DCBLD2: variants seen among roughly 807,000 people sequenced by gnomAD.
DCBLD2 encodes the protein discoidin, CUB and LCCL domain containing 2, also known as discoidin, CUB and LCCL domain-containing protein 2.
In DCBLD2, 54 loss-of-function variants were observed where a neutral mutation model predicts 86.8. That is an observed-to-expected ratio of 0.62 (90% confidence interval 0.50 to 0.78). The LOEUF (loss-of-function observed/expected upper bound fraction) is 0.78, where lower values mean the gene tolerates loss of function less well. Among genes scored for constraint, DCBLD2 ranks in the 30% least tolerant of loss-of-function variants. DCBLD2 has a pLI of 0.00. For synonymous variants in DCBLD2, 354 were observed against 341.3 expected (o/e 1.04, Z -0.41); for missense variants, 908 against 954.2 (o/e 0.95, Z 0.64).
chr3:98,839,694 C>A (rs1029293267), intron 3 of DCBLD2, among the ~76,000 whole-genome samples: 1 of 152,050 alleles, frequency 6.6e-6, no homozygotes, highest in African/African-American at 2.4e-5. Context: ...AAACAAAGAA[C>A]AACCAGATAA....
At chr3:98,825,145 C>G (rs1942192562) in intron 4 of DCBLD2, among the ~76,000 whole-genome samples, 170 bp downstream of exon 4, 1 of 151,998 alleles carries the variant, frequency 6.6e-6, no homozygotes, top group African/African-American at 2.4e-5. Context: ...AAACATGCAA[C>G]TAAATGGCTT....
intron 9 of DCBLD2, among the ~76,000 whole-genome samples, chr3:98,817,130 A>G (rs1942036721): frequency 6.6e-6 from 1 of 152,180 alleles, no homozygotes; most frequent in Admixed American, 6.5e-5. Context: ...CTCCATTTAA[A>G]GATCAAAGGG....
intron 3 of DCBLD2, among the ~76,000 whole-genome samples, chr3:98,832,885 G>T (rs1300617469): frequency 6.6e-6 from 1 of 152,120 alleles, no homozygotes; most frequent in Non-Finnish European, 1.5e-5. Flanking sequence ...TTTAGACATT[G>T]GAAAATCTGA....
At chr3:98,807,360 T>C (rs1045082368) in intron 13 of DCBLD2, among the ~76,000 whole-genome samples, 3 of 152,164 alleles carry the variant, frequency 2.0e-5, no homozygotes, top group Non-Finnish European at 2.9e-5. Flanking sequence ...GATTAGGTCA[T>C]GAAGGCAGAG....
chr3:98,834,791 C>G (rs1162973620), intron 3 of DCBLD2, among the ~76,000 whole-genome samples: 1 of 152,244 alleles, frequency 6.6e-6, no homozygotes, highest in African/African-American at 2.4e-5. Context: ...TATATTGAAA[C>G]TTATAGATGT....
chr3:98,897,452 A>C (rs900117909), intron 1 of DCBLD2, among the ~76,000 whole-genome samples: 8 of 152,204 alleles, frequency 5.3e-5, no homozygotes, highest in African/African-American at 1.7e-4. Context: ...CAGACAAAGA[A>C]AAGACAATGG....
At position 98,808,176 on chromosome 3, in the gene DCBLD2, TG is replaced by T. The variant is rs1477600791; in HGVS notation, c.1577-3del. Reference sequence around the variant, plus strand: ...CAAGAACTGCAGCCAGCGCTACATCTGAAGTTACAAAGACAAAAACAGACAA... The same window carrying T: ...CAAGAACTGCAGCCAGCGCTACATCTAAGTTACAAAGACAAAAACAGACAA... On this transcript the variant is annotated splice_polypyrimidine_tract_variant and splice_region_variant and intron_variant, in intron 12 of 15. Coordinates refer to ENST00000326840, the MANE Select transcript of DCBLD2 (RefSeq NM_080927.4). The T allele has an allele frequency of 1.3e-6, 2 of 1,592,668 alleles. No individual in the cohort carries two copies. Among genetic ancestry groups the T allele is most frequent in the Non-Finnish European group, 1.7e-6 (2 of 1,170,684 alleles).
chr3:98,853,819 C>T (rs908152862), intron 2 of DCBLD2, among the ~76,000 whole-genome samples: 7 of 152,154 alleles, frequency 4.6e-5, no homozygotes, highest in Middle Eastern at 6.3e-3. Flanking sequence ...AGGTGTGCCA[C>T]GGAACAATGC....
At chr3:98,896,787 T>C (rs1943757905) in intron 1 of DCBLD2, among the ~76,000 whole-genome samples, 1 of 152,168 alleles carries the variant, frequency 6.6e-6, no homozygotes, top group Admixed American at 6.5e-5. Flanking sequence ...AATTGCCAAA[T>C]TGTCTCACTT....
rs529742393 is a variant in DCBLD2, at chr3:98,866,357, C to T, written c.433+15183G>A. Among the ~76,000 whole-genome samples the T allele has an allele frequency of 3.3e-5, 5 of 152,332 alleles. No individual in the cohort carries two copies. In the East Asian group the frequency reaches 9.7e-4, roughly 29 times the overall value. On this transcript the variant is annotated intron_variant, in intron 2 of 15. Coordinates refer to ENST00000326840, the MANE Select transcript of DCBLD2 (RefSeq NM_080927.4). ...TAAAAGTGTTCCTATTTCTCCACAACCTCTCCAGCACCTGTTATTTCCTGA... is the reference window on the plus strand; with the variant it reads ...TAAAAGTGTTCCTATTTCTCCACAATCTCTCCAGCACCTGTTATTTCCTGA...
rs1295745133 is a variant in DCBLD2 at position 98,800,712 on chromosome 3, C to G, written c.1725G>C (p.Trp575Cys). 6.2e-7 allele frequency: 1 copy of G among 1,613,786 alleles called. No homozygotes were observed. Among genetic ancestry groups the G allele is most frequent in the Non-Finnish European group, 8.5e-7 (1 of 1,179,858 alleles). ...YDLPYWDRAG[W>C]WKGMKQFLPA... is the part of the protein sequence containing the mutation. ...GAAGAAACTGCTTCATTCCTTTCCA[C>G]CAACCTTCATTGTGACGGCAAGCCA... The change falls in exon 15 of 16, where the codon TGG (tryptophan) becomes TGC (cysteine). Residue 575 changes from tryptophan (W) to cysteine (C), a missense_variant. Around this residue, in one of 3 missense-constraint regions of DCBLD2, gnomAD observed 606 missense variants for 678.5 expected, o/e 0.89. Transcript: ENST00000326840.
In DCBLD2 at chr3:98,817,891, T is replaced by C. The variant is rs752055909; in HGVS notation, c.1090A>G (p.Ile364Val). 12 of 1,612,986 alleles carry C rather than the reference T, an allele frequency of 7.4e-6. No homozygotes were observed. The highest frequency in any genetic ancestry group is 6.8e-6 in the Non-Finnish European group (8 of 1,179,304). Residue 364 changes from isoleucine (I) to valine (V), a missense_variant and splice_region_variant, in exon 9 of 16, where the codon ATT (isoleucine) becomes GTT (valine). Around this residue, in one of 3 missense-constraint regions of DCBLD2, gnomAD observed 606 missense variants for 678.5 expected, o/e 0.89. Transcript: ENST00000326840. The part of the protein sequence containing the change: ...DLNKEKKITG[I>V]ITTGSTMVEH... Reference sequence around the variant, plus strand: ...ACCATGGTGGATCCAGTGGTTATAATGCCTGGGGAATGAAGAGTTGCTTTC... The same window carrying C: ...ACCATGGTGGATCCAGTGGTTATAACGCCTGGGGAATGAAGAGTTGCTTTC...
intron 2 of DCBLD2, among the ~76,000 whole-genome samples, chr3:98,857,020 TG>T (rs1378077945): frequency 3.3e-5 from 5 of 152,128 alleles, no homozygotes; most frequent in Admixed American, 6.5e-5. Context: ...TCGCAGTGAG[TG>T]TTACGGTTCT....
intron 8 of DCBLD2, among the ~76,000 whole-genome samples, chr3:98,818,924 A>C (rs573160093): frequency 5.9e-5 from 9 of 152,236 alleles, no homozygotes; most frequent in African/African-American, 2.2e-4. Flanking sequence ...TCACTTTGTG[A>C]TCATGTGAGT....
chr3:98,800,980 G>A (rs556710575), intron 14 of DCBLD2, among the ~76,000 whole-genome samples: 19 of 151,978 alleles, frequency 1.3e-4, no homozygotes, highest in African/African-American at 4.3e-4. Context: ...CTATTTTAGG[G>A]GTGGCCTTAA....
intron 3 of DCBLD2, among the ~76,000 whole-genome samples, chr3:98,845,053 T>C (rs1003040846): frequency 2.0e-5 from 3 of 152,286 alleles, no homozygotes; most frequent in Non-Finnish European, 4.4e-5. Flanking sequence ...AGTCCTCTCA[T>C]AGTTGTTGGA....
chr3:98,855,092 A>T (rs1323173581), intron 2 of DCBLD2, among the ~76,000 whole-genome samples: 1 of 152,242 alleles, frequency 6.6e-6, no homozygotes, highest in Non-Finnish European at 1.5e-5. Context: ...CATTTACTAC[A>T]TCTAAAAAGA....
chr3:98,875,369 T>C lies in DCBLD2; in HGVS notation c.433+6171A>G, dbSNP rs76590313. ...AGTTTAACAAAAAATGTGTAAACCC[T>C]ACATGAGAAAGAGTTTAAAACAATC... On this transcript the variant is annotated intron_variant, in intron 2 of 15. Transcript: ENST00000326840. Among the ~76,000 whole-genome samples the C allele has an allele frequency of 6.2e-3, 945 of 152,114 alleles. 7 individuals are homozygous for C. Among genetic ancestry groups the C allele is most frequent in the Non-Finnish European group, 9.1e-3 (618 of 67,978 alleles).
At chr3:98,846,252 G>A (rs1187589539) in intron 3 of DCBLD2, among the ~76,000 whole-genome samples, 4 of 152,264 alleles carry the variant, frequency 2.6e-5, no homozygotes, top group East Asian at 1.9e-4. Flanking sequence ...TGAAGTAGCT[G>A]ATGAAGCAAT....
Sources: allele counts gnomAD v4.1 joint callset (sites outside exome capture counted in the v4.1 genomes callset), GRCh38; gene constraint gnomAD v4.1.1; regional missense constraint gnomAD v4.1.1; transcripts MANE v1.5; gene names NCBI Gene and HGNC (gene_info 2026-07-23, HGNC 2026-07-21).